SGCD: variants seen among roughly 807,000 people sequenced by gnomAD.
The protein encoded by SGCD is sarcoglycan delta, also known as delta-sarcoglycan.
In SGCD, 18 loss-of-function variants were observed where a neutral mutation model predicts 36.6. The ratio of observed to expected loss-of-function variants is 0.49; its 90% CI spans 0.34 to 0.73. The LOEUF (loss-of-function observed/expected upper bound fraction) is 0.73, where lower values mean the gene tolerates loss of function less well. SGCD is among the 30% of genes least tolerant of loss of function. The pLI, the probability that SGCD is intolerant of heterozygous loss-of-function variation, is 0.01. For missense variants in SGCD, 387 were observed against 346.7 expected, an observed-to-expected ratio of 1.12 and a Z score of -0.92; for synonymous variants, 133 against 130.6, an observed-to-expected ratio of 1.02 and a Z score of -0.12.
chr5:156,486,878 A>G (rs754682629), intron 3 of SGCD, among the ~76,000 whole-genome samples: 1 of 152,090 alleles, frequency 6.6e-6, no homozygotes, highest in Non-Finnish European at 1.5e-5. Flanking sequence ...CACCACCACC[A>G]GTGCCTATGT....
chr5:156,127,383 T>A (rs1424460985), intron 3 of SGCD, among the ~76,000 whole-genome samples: 1 of 152,052 alleles, frequency 6.6e-6, no homozygotes, highest in Admixed American at 6.6e-5. Flanking sequence ...AGGAGAAGAT[T>A]GCACGAGGTC....
intron 3 of SGCD, among the ~76,000 whole-genome samples, chr5:156,179,502 G>C (rs1386286278): frequency 6.6e-6 from 1 of 151,906 alleles, no homozygotes. Flanking sequence ...GAAAATCTTA[G>C]GGTCAAATGA....
At chr5:156,266,281 G>A (rs564750719) in intron 3 of SGCD, among the ~76,000 whole-genome samples, 6 of 152,246 alleles carry the variant, frequency 3.9e-5, no homozygotes, top group East Asian at 3.9e-4. Flanking sequence ...ATTTATATTG[G>A]AATAATGCTA....
intron 3 of SGCD, among the ~76,000 whole-genome samples, chr5:156,243,466 T>C (rs976498678): frequency 7.9e-5 from 12 of 152,036 alleles, no homozygotes; most frequent in Admixed American, 1.3e-4. Context: ...GAGTAAAAAA[T>C]ATGGAAAAGA....
At chr5:156,379,941 C>T (rs537533437) in intron 3 of SGCD, among the ~76,000 whole-genome samples, 2 of 152,188 alleles carry the variant, frequency 1.3e-5, no homozygotes, top group African/African-American at 4.8e-5. Flanking sequence ...AAATAGCCCA[C>T]TCTTTGGATT....
rs79880187 is a variant in SGCD at position 156,209,023 on chromosome 5, G to A, written c.-44+85004G>A. Among the ~76,000 whole-genome samples, 899 of 152,268 alleles carry A rather than the reference G, an allele frequency of 5.9e-3. 12 individuals are homozygous for A. The highest frequency in any genetic ancestry group is 0.021 in the African/African-American group (860 of 41,556). ...GAGAGAGATACCCTCCTCTTGGGGC[G>A]AGTAGAGGGAAGTGAGCACCAGACA... is the stretch of plus-strand genomic sequence containing the variant. On this transcript the variant is annotated intron_variant, in intron 3 of 9. Coordinates refer to the SGCD transcript ENST00000517913.
the SGCD span, among the ~76,000 whole-genome samples, chr5:155,818,978 C>T: frequency 2.0e-5 from 3 of 151,938 alleles, no homozygotes; most frequent in Admixed American, 2.0e-4. Flanking sequence ...TTGTTTGTGT[C>T]CATGAGAAAG....
chr5:156,419,075 A>T (rs1223724298), intron 3 of SGCD, among the ~76,000 whole-genome samples: 1 of 152,126 alleles, frequency 6.6e-6, no homozygotes, highest in African/African-American at 2.4e-5. Context: ...ATCTCAAGGC[A>T]GGCTTGGGGA....
At chr5:155,844,708 A>G in the SGCD span, among the ~76,000 whole-genome samples, 2 of 152,132 alleles carry the variant, frequency 1.3e-5, no homozygotes, top group Admixed American at 6.6e-5. Flanking sequence ...ATAGAATGGA[A>G]TACCGTATAT....
intron 1 of SGCD, among the ~76,000 whole-genome samples, chr5:155,922,269 T>G (rs1442995969): frequency 6.6e-6 from 1 of 152,104 alleles, no homozygotes; most frequent in African/African-American, 2.4e-5. Context: ...AGACATGAAT[T>G]GTCTCTTGAC....
intron 1 of SGCD, among the ~76,000 whole-genome samples, chr5:155,901,598 C>T (rs531864750): frequency 5.9e-5 from 9 of 152,212 alleles, no homozygotes; most frequent in Non-Finnish European, 1.0e-4. Context: ...AAAATGTTCA[C>T]TAAGTCTGGT....
chr5:156,438,050 C>A (rs970381912), intron 3 of SGCD, among the ~76,000 whole-genome samples: 12 of 152,262 alleles, frequency 7.9e-5, no homozygotes, highest in Non-Finnish European at 1.6e-4. Flanking sequence ...GGATTTGCAA[C>A]TTTAAAATGG....
intron 3 of SGCD, among the ~76,000 whole-genome samples, chr5:156,174,875 G>A (rs769493894): frequency 2.6e-5 from 4 of 152,292 alleles, no homozygotes; most frequent in South Asian, 2.1e-4. Context: ...GAGAGAGAAC[G>A]TAAGTTATAC....
intron 3 of SGCD, among the ~76,000 whole-genome samples, chr5:156,316,361 A>G (rs7733089): frequency 0.047 from 7,192 of 152,110 alleles, 333 homozygotes; most frequent in African/African-American, 0.11. Flanking sequence ...AAGAATTAAT[A>G]TTGTCAAAAT....
At chr5:156,381,529 T>A (rs1017445585) in intron 3 of SGCD, among the ~76,000 whole-genome samples, 4 of 152,180 alleles carry the variant, frequency 2.6e-5, no homozygotes, top group Non-Finnish European at 5.9e-5. Flanking sequence ...TATTCCAATA[T>A]AAATGTAGTA....
chr5:156,251,187 G>A (rs949917984), intron 3 of SGCD, among the ~76,000 whole-genome samples: 1 of 152,126 alleles, frequency 6.6e-6, no homozygotes, highest in Non-Finnish European at 1.5e-5. Flanking sequence ...GTTTTTACTT[G>A]TACGTTTTAG....
chr5:155,898,583 G>A (rs1330062517), intron 1 of SGCD, among the ~76,000 whole-genome samples: 1 of 152,170 alleles, frequency 6.6e-6, no homozygotes, highest in Admixed American at 6.6e-5. Flanking sequence ...GGAAGCATTT[G>A]ACCAATGATG....
At chr5:155,965,294 T>C (rs1359728659) in intron 1 of SGCD, among the ~76,000 whole-genome samples, 1 of 152,144 alleles carries the variant, frequency 6.6e-6, no homozygotes, top group Non-Finnish European at 1.5e-5. Flanking sequence ...CTGCCTCCTC[T>C]GATGTATCCT....
intron 2 of SGCD, among the ~76,000 whole-genome samples, chr5:156,121,645 A>G (rs73300615): frequency 0.015 from 2,224 of 152,278 alleles, 52 homozygotes; most frequent in African/African-American, 0.05. Context: ...CCCCAGGGAA[A>G]GGAAGGGACA....
Sources: allele counts gnomAD v4.1 joint callset (sites outside exome capture counted in the v4.1 genomes callset), GRCh38; gene constraint gnomAD v4.1.1; transcripts MANE v1.5; gene names NCBI Gene and HGNC (gene_info 2026-07-23, HGNC 2026-07-21).